NUP153: variants seen among roughly 807,000 people sequenced by gnomAD.
NUP153 encodes the protein nucleoporin 153, also known as nuclear pore complex protein Nup153.
NUP153 carries 27 observed loss-of-function variants against 134.6 expected under a neutral mutation model. That is an observed-to-expected ratio of 0.20 (90% CI 0.15 to 0.28). NUP153 has a LOEUF of 0.28. NUP153 is among the 10% of genes least tolerant of loss of function. The pLI is 1.00. For missense variants in NUP153, 1,821 were observed against 1,731.3 expected (o/e 1.05, Z -0.92); for synonymous variants, 640 against 623.5 (o/e 1.03, Z -0.40).
intron 13 of NUP153, among the ~76,000 whole-genome samples, chr6:17,647,443 A>G (rs1303307410): frequency 6.6e-6 from 1 of 152,230 alleles, no homozygotes; most frequent in Non-Finnish European, 1.5e-5. Context: ...TCTGGGGATA[A>G]TGGGGAAATC....
intron 16 of NUP153, among the ~76,000 whole-genome samples, chr6:17,635,102 ATCTTT>A (rs1765473014): frequency 8.5e-6 from 1 of 117,478 alleles, no homozygotes. Context: ...AGCTTGGCTT[ATCTTT>A]TTTTTTTTTT....
chr6:17,652,978 G>T (rs1057238962), intron 11 of NUP153, among the ~76,000 whole-genome samples: 2 of 152,176 alleles, frequency 1.3e-5, no homozygotes, highest in Non-Finnish European at 2.9e-5. Context: ...GCAGTGAGCT[G>T]AGACCACGCC....
intron 2 of NUP153, among the ~76,000 whole-genome samples, chr6:17,683,309 G>C (rs1768723848): frequency 6.6e-6 from 1 of 152,160 alleles, no homozygotes; most frequent in Non-Finnish European, 1.5e-5. Context: ...ATCTATCTGA[G>C]GAATGACTAT....
chr6:17,621,441 A>G (rs1286391181), intron 20 of NUP153, among the ~76,000 whole-genome samples: 1 of 152,218 alleles, frequency 6.6e-6, no homozygotes, highest in Admixed American at 6.5e-5. Context: ...CAGCCAAGAT[A>G]CGGAATCAAT....
At chr6:17,635,104 C>CTTTTT (rs59700511) in intron 16 of NUP153, among the ~76,000 whole-genome samples, 58 of 104,242 alleles carry the variant, frequency 5.6e-4, no homozygotes, top group East Asian at 9.4e-4. Context: ...CTTGGCTTAT[C>CTTTTT]TTTTTTTTTT....
At chr6:17,688,129 A>G (rs1349531243) in intron 2 of NUP153, among the ~76,000 whole-genome samples, 1 of 152,170 alleles carries the variant, frequency 6.6e-6, no homozygotes, top group Non-Finnish European at 1.5e-5. Flanking sequence ...AAAAACAAAA[A>G]AAAGAAAGAA....
At chr6:17,688,237 A>C (rs1362446521) in intron 2 of NUP153, among the ~76,000 whole-genome samples, 159 bp downstream of exon 2, 2 of 152,246 alleles carry the variant, frequency 1.3e-5, no homozygotes, top group East Asian at 3.8e-4. Context: ...TAAATAAAAC[A>C]CTGATAAATA....
At chr6:17,634,104 G>A (rs1182058133) in intron 16 of NUP153, among the ~76,000 whole-genome samples, 2 of 151,804 alleles carry the variant, frequency 1.3e-5, no homozygotes, top group Non-Finnish European at 2.9e-5. Flanking sequence ...TCTGGTTCAT[G>A]AACCCCCCCC....
In NUP153 at chr6:17,675,509, A is replaced by C. The variant is rs778865863; in HGVS notation, c.583+13T>G. The C allele has an allele frequency of 2.5e-6, 4 of 1,613,290 alleles. No individual in the cohort carries two copies. The South Asian group carries it at 3.3e-5, about 13-fold the overall frequency. On this transcript the variant is annotated intron_variant, in intron 3 of 21. Coordinates refer to ENST00000262077, the MANE Select transcript of NUP153 (RefSeq NM_005124.4). This position sits in a 1 kb window ranked among gnomAD's most constrained non-coding sequence, Gnocchi z 4.4. ...TACTACCCAAATTATGTACTACCAC[A>C]TGTCAAGAATACCTTTATCAGAAGC... is the stretch of plus-strand genomic sequence containing the variant.
intron 11 of NUP153, among the ~76,000 whole-genome samples, chr6:17,656,251 A>C (rs1766817199): frequency 6.6e-6 from 1 of 152,178 alleles, no homozygotes; most frequent in Admixed American, 6.5e-5. Context: ...TGTGGGGCCA[A>C]CATCACATTA....
At position 17,616,701 on chromosome 6, in the gene NUP153, A is replaced by G. The variant is rs1764352958; in HGVS notation, c.4175-6T>C. The G allele has an allele frequency of 1.2e-6, 2 of 1,608,892 alleles. No homozygotes were observed. The highest frequency in any genetic ancestry group is 1.1e-5 in the South Asian group (1 of 90,418). On this transcript the variant is annotated splice_region_variant and splice_polypyrimidine_tract_variant and intron_variant, in intron 20 of 21. Transcript: ENST00000262077. ...GCCAAACTGGAAAGCCGAACCTGCA[A>G]TAGTTAAAGCAGAAATACTTCATTA...
chr6:17,675,750 C>T lies in NUP153; in HGVS notation c.355G>A (p.Ala119Thr). ...NTEEPSTTST[A>T]SNYPDVLTRP... Reference sequence around the variant, plus strand: ...GTTAACACATCTGGATAATTTGAAGCAGTACTAGTTGTTGAAGGTTCTTAA... The same window carrying T: ...GTTAACACATCTGGATAATTTGAAGTAGTACTAGTTGTTGAAGGTTCTTAA... Residue 119 changes from alanine to threonine, a missense_variant, in exon 3 of 22, where the codon GCT becomes ACT. Physicochemically the swap from Ala to Thr is moderately conservative, Grantham distance 58. Coordinates refer to ENST00000262077, the MANE Select transcript of NUP153 (RefSeq NM_005124.4). This position sits in a 1 kb window ranked among gnomAD's most constrained non-coding sequence, Gnocchi z 4.4. 3 of 1,613,628 alleles carry T rather than the reference C, an allele frequency of 1.9e-6. No homozygotes were observed. The highest frequency in any genetic ancestry group is 2.5e-6 in the Non-Finnish European group (3 of 1,179,558).
intron 1 of NUP153, among the ~76,000 whole-genome samples, chr6:17,695,895 G>A (rs1334748259): frequency 3.3e-5 from 5 of 152,124 alleles, no homozygotes; most frequent in African/African-American, 7.2e-5. Context: ...TGTAGTCCCA[G>A]CTTCTCAGGA....
chr6:17,703,285 A>G (rs1029214088), intron 1 of NUP153, among the ~76,000 whole-genome samples: 1 of 152,156 alleles, frequency 6.6e-6, no homozygotes, highest in South Asian at 2.1e-4. Context: ...TAAACCCAGA[A>G]GTCAAAACAG....
chr6:17,664,945 C>T lies in NUP153; in HGVS notation c.1215+294G>A, dbSNP rs147207748. ...GCACATGCCTGTAGTCCCAGCTACT[C>T]GGGGGGCTGAAGCAGGAGAATCACT... is the stretch of plus-strand genomic sequence containing the variant. On this transcript the variant is annotated intron_variant, in intron 9 of 21. Transcript: ENST00000262077. Among the ~76,000 whole-genome samples the T allele has an allele frequency of 8.1e-3, 1,213 of 149,928 alleles. 10 individuals carry two copies. The highest frequency in any genetic ancestry group is 0.026 in the African/African-American group (1,067 of 40,792).
At chr6:17,650,089 C>G (rs3777713) in intron 11 of NUP153, among the ~76,000 whole-genome samples, 117,513 of 152,120 alleles carry the variant, frequency 0.77, 45,573 homozygotes, top group East Asian at 0.89. Flanking sequence ...TTGTGCTAAA[C>G]GCAGAGTAGC....
At chr6:17,636,149 CATGGCGAAA>C (rs1165091777) in intron 16 of NUP153, among the ~76,000 whole-genome samples, 1 of 152,174 alleles carries the variant, frequency 6.6e-6, no homozygotes, top group Admixed American at 6.5e-5. Context: ...GCCTGGCCAA[CATGGCGAAA>C]CCCTGTCTCT....
At chr6:17,654,020 A>G (rs1030939690) in intron 11 of NUP153, among the ~76,000 whole-genome samples, 1 of 152,214 alleles carries the variant, frequency 6.6e-6, no homozygotes, top group African/African-American at 2.4e-5. Context: ...AAAAAGATGG[A>G]CAGGTAAATT....
At chr6:17,684,996 T>C (rs775994274) in intron 2 of NUP153, among the ~76,000 whole-genome samples, 7 of 152,170 alleles carry the variant, frequency 4.6e-5, no homozygotes, top group African/African-American at 2.4e-5. Context: ...ATTTAAAAGT[T>C]TGAAATACTG....
Sources: allele counts gnomAD v4.1 joint callset (sites outside exome capture counted in the v4.1 genomes callset), GRCh38; gene constraint gnomAD v4.1.1; non-coding constraint Gnocchi (gnomAD v3.1); transcripts MANE v1.5; gene names NCBI Gene and HGNC (gene_info 2026-07-23, HGNC 2026-07-21).